Variants in PRKAG2 observed in about 807,000 individuals in gnomAD.
The protein encoded by PRKAG2 is protein kinase AMP-activated non-catalytic subunit gamma 2.
A neutral mutation model predicts 69.6 loss-of-function variants in PRKAG2; 26 were observed. The observed-to-expected ratio is 0.37, with a 90% CI of 0.27 to 0.52. The LOEUF (loss-of-function observed/expected upper bound fraction) is 0.52, where lower values mean the gene tolerates loss of function less well. Among genes scored for constraint, PRKAG2 ranks in the 20% least tolerant of loss-of-function variants. The pLI is 0.90. For missense variants in PRKAG2, 557 were observed against 740.0 expected, an observed-to-expected ratio of 0.75 and a Z score of 2.87; for synonymous variants, 293 against 285.0, an observed-to-expected ratio of 1.03 and a Z score of -0.28.
chr7:151,717,635 G>C (rs573552522), intron 3 of PRKAG2, among the ~76,000 whole-genome samples: 2 of 152,308 alleles, frequency 1.3e-5, no homozygotes, highest in African/African-American at 4.8e-5. Flanking sequence ...GTGTGGCCCT[G>C]CCAACAGGAT....
rs1301569413 is a variant in PRKAG2, at chr7:151,595,375, T to C, written c.834A>G (p.Ser278=). 1 of 1,613,702 alleles carries C rather than the reference T, an allele frequency of 6.2e-7. No individual in the cohort carries two copies. Among genetic ancestry groups the C allele is most frequent in the African/African-American group, 1.3e-5 (1 of 74,918 alleles). ...HKCYDIVPTS[S]KLVVFDTTLQ... The stretch of plus-strand genomic sequence containing the variant: ...ATGTAGTATCAAAGACAACAAGCTT[T>C]GAACTGGTTGGAACGATGTCATAAC... Residue 278 remains serine (S), a synonymous_variant, in exon 6 of 16, where the codon TCA becomes TCG. Transcript: ENST00000287878.
intron 3 of PRKAG2, among the ~76,000 whole-genome samples, chr7:151,765,517 G>C (rs1358211606): frequency 3.3e-5 from 5 of 152,152 alleles, no homozygotes; most frequent in Non-Finnish European, 7.3e-5. Context: ...CTGCCCTGCA[G>C]CTTCAGGGAT....
intron 1 of PRKAG2, chr7:151,810,536 C>T (rs1164022135): frequency 6.6e-6 from 1 of 152,282 alleles, no homozygotes; most frequent in Non-Finnish European, 1.5e-5. Context: ...AGAGGGCCCA[C>T]CCTGGGCTGC....
chr7:151,767,673 CA>C (rs1255361260), intron 3 of PRKAG2, among the ~76,000 whole-genome samples: 2 of 152,228 alleles, frequency 1.3e-5, no homozygotes, highest in Non-Finnish European at 2.9e-5. Context: ...GATTTGTAGT[CA>C]TCCACACTCG....
intron 1 of PRKAG2, among the ~76,000 whole-genome samples, chr7:151,866,884 C>T (rs1156520565): frequency 6.6e-6 from 1 of 151,084 alleles, no homozygotes; most frequent in Non-Finnish European, 1.5e-5. Flanking sequence ...GCACCCCTGG[C>T]CCCAGGAGGC....
intron 5 of PRKAG2, among the ~76,000 whole-genome samples, chr7:151,608,026 G>C (rs907082331): frequency 2.0e-5 from 3 of 152,170 alleles, no homozygotes; most frequent in African/African-American, 7.2e-5. Flanking sequence ...CCTTATAAGA[G>C]AGAGAGAGAA....
intron 1 of PRKAG2, among the ~76,000 whole-genome samples, chr7:151,859,522 G>A (rs2079865553): frequency 6.6e-6 from 1 of 152,176 alleles, no homozygotes; most frequent in African/African-American, 2.4e-5. Flanking sequence ...ACACTTAAAG[G>A]GCCATGGGAT....
Position 151,771,464 on chromosome 7 carries a change from G to A in PRKAG2, c.466+9688C>T, listed in dbSNP as rs1436489075. ...CTCTGTTCCAAAGCCAGAGAGCTCCGTGTCCTTTTGCTGTATCTGAACAAC... is the reference window on the plus strand; with the variant it reads ...CTCTGTTCCAAAGCCAGAGAGCTCCATGTCCTTTTGCTGTATCTGAACAAC... On this transcript the variant is annotated intron_variant, in intron 3 of 15. Coordinates refer to ENST00000287878, the MANE Select transcript of PRKAG2 (RefSeq NM_016203.4). This position sits in a 1 kb window ranked among gnomAD's most constrained non-coding sequence, Gnocchi z 4.0. Among the ~76,000 whole-genome samples the A allele has an allele frequency of 2.0e-5, 3 of 152,210 alleles. No individual in the cohort carries two copies. The highest frequency in any genetic ancestry group is 6.5e-5 in the Admixed American group (1 of 15,292).
At chr7:151,688,408 C>T (rs564264893) in intron 3 of PRKAG2, among the ~76,000 whole-genome samples, 27 of 152,230 alleles carry the variant, frequency 1.8e-4, no homozygotes, top group Non-Finnish European at 3.5e-4. Flanking sequence ...ACACGGCTAT[C>T]GCTATGATGT....
rs571718169 is a variant in PRKAG2 at position 151,638,920 on chromosome 7, G to A, written c.685-6782C>T. ...AGAACTCTTAGTTTCTGTGCATCCT[G>A]CTGTCTTCCTTGAGCTCCACTCTGC... On this transcript the variant is annotated intron_variant, in intron 4 of 15. Coordinates refer to ENST00000287878, the MANE Select transcript of PRKAG2 (RefSeq NM_016203.4). This position sits in a 1 kb window ranked among gnomAD's most constrained non-coding sequence, Gnocchi z 4.3. Among the ~76,000 whole-genome samples the A allele has an allele frequency of 9.2e-5, 14 of 152,306 alleles. No individual in the cohort carries two copies. The highest frequency in any genetic ancestry group is 3.4e-4 in the African/African-American group (14 of 41,572).
At chr7:151,860,872 T>G (rs2079903018) in intron 1 of PRKAG2, among the ~76,000 whole-genome samples, 1 of 152,094 alleles carries the variant, frequency 6.6e-6, no homozygotes, top group Non-Finnish European at 1.5e-5. Flanking sequence ...ACGTTAGGCT[T>G]GTGGTAGAGG....
chr7:151,849,717 C>T (rs372588546), intron 1 of PRKAG2, among the ~76,000 whole-genome samples: 1 of 152,122 alleles, frequency 6.6e-6, no homozygotes, highest in Admixed American at 6.5e-5. Context: ...ACTCCTGTCT[C>T]GGCCTCTGCT....
At chr7:151,669,777 CTTG>C (rs1831569953) in intron 4 of PRKAG2, among the ~76,000 whole-genome samples, 1 of 151,426 alleles carries the variant, frequency 6.6e-6, no homozygotes, top group African/African-American at 2.4e-5. Flanking sequence ...TGTGCACACA[CTTG>C]CACGCACACA....
intron 14 of PRKAG2, 103 bp from the exon 15 acceptor site, chr7:151,560,720 C>A: frequency 7.0e-7 from 1 of 1,431,654 alleles, no homozygotes; most frequent in Non-Finnish European, 9.6e-7. Flanking sequence ...ATCAACACAT[C>A]CCTCCAGCCT....
At chr7:151,783,374 CTG>C (rs2076829469) in intron 2 of PRKAG2, among the ~76,000 whole-genome samples, 1 of 152,188 alleles carries the variant, frequency 6.6e-6, no homozygotes, top group African/African-American at 2.4e-5. Flanking sequence ...GGGTCTCCCT[CTG>C]TCGCTCAAGG....
intron 3 of PRKAG2, among the ~76,000 whole-genome samples, chr7:151,693,125 C>T (rs1041834961): frequency 5.3e-5 from 8 of 152,208 alleles, no homozygotes; most frequent in Admixed American, 3.3e-4. Flanking sequence ...CTCCTGAGGA[C>T]AGGGGTCTTT....
Position 151,557,213 on chromosome 7 carries a change from T to C in PRKAG2, c.1698A>G (p.Thr566=). ...LTPAGAKQKE[T]ETE ...ACATTCACGGCGGTCACTCCGTTTC[T>C]GTCTCCTTTTGTTTGGCACCTGTCA... The change falls in exon 16 of 16, where the codon ACA becomes ACG. Residue 566 remains threonine (T), a synonymous_variant. Coordinates refer to ENST00000287878, the MANE Select transcript of PRKAG2 (RefSeq NM_016203.4). 1 of 1,614,202 alleles carries C rather than the reference T, an allele frequency of 6.2e-7. No individual in the cohort carries two copies. The highest frequency in any genetic ancestry group is 8.5e-7 in the Non-Finnish European group (1 of 1,180,016).
intron 14 of PRKAG2, among the ~76,000 whole-genome samples, chr7:151,562,505 C>G (rs978751761): frequency 6.6e-6 from 1 of 151,858 alleles, no homozygotes; most frequent in African/African-American, 2.4e-5. Context: ...TCATCTTTCC[C>G]GTGGCAGTCA....
intron 3 of PRKAG2, among the ~76,000 whole-genome samples, chr7:151,742,918 C>T (rs950784659): frequency 4.6e-5 from 7 of 152,204 alleles, no homozygotes; most frequent in Admixed American, 4.6e-4. Flanking sequence ...GAGATGAACG[C>T]TGATGCGTTG....
Sources: gnomAD v4.1 joint callset for allele counts (sites outside exome capture counted in the v4.1 genomes callset) on GRCh38, gnomAD v4.1.1 for gene constraint, Gnocchi (gnomAD v3.1) non-coding constraint, MANE v1.5 for transcripts, NCBI Gene and HGNC (gene_info 2026-07-23, HGNC 2026-07-21) for gene names.